BCL2L13: variants seen among roughly 807,000 people sequenced by gnomAD.
BCL2L13 encodes BCL2 like 13, also known as bcl-2-like protein 13.
In BCL2L13, 13 loss-of-function variants were observed where a neutral mutation model predicts 25.8. The observed-to-expected ratio is 0.50, with a 90% confidence interval of 0.33 to 0.80. The LOEUF (loss-of-function observed/expected upper bound fraction) is 0.80. Ranked by LOEUF, BCL2L13 falls within the 30% of genes least tolerant of loss-of-function variation. The probability of loss-of-function intolerance (pLI) is 0.02; values close to 1 mark genes in which losing one functional copy is unlikely to be tolerated. For synonymous variants in BCL2L13, 244 were observed against 230.3 expected (o/e 1.06, Z -0.54); for missense variants, 504 against 574.9 (o/e 0.88, Z 1.26).
At chr22:17,656,226 T>C (rs1311004933) in intron 2 of BCL2L13, among the ~76,000 whole-genome samples, 3 of 118,164 alleles carry the variant, frequency 2.5e-5, no homozygotes, top group Non-Finnish European at 5.2e-5. Flanking sequence ...GGCAATAGAG[T>C]GAGACTCCAT....
chr22:17,666,001 G>T (rs920776482), intron 2 of BCL2L13, among the ~76,000 whole-genome samples: 1 of 152,132 alleles, frequency 6.6e-6, no homozygotes, highest in East Asian at 1.9e-4. Flanking sequence ...CTGCTGGGTC[G>T]TATGGTGAAA....
chr22:17,729,878 G>C lies in BCL2L13; in HGVS notation c.*2344G>C, dbSNP rs1452039186. 1 of 152,166 alleles carries C rather than the reference G, an allele frequency of 6.6e-6. No homozygotes were observed. The highest frequency in any genetic ancestry group is 1.5e-5 in the Non-Finnish European group (1 of 68,018). The allele number at this position is 152,166 out of a possible 1,614,324, so 9.4% of individuals were successfully genotyped here. A position where few individuals can be genotyped will look rare whatever the true frequency, so the allele number is the denominator to read the frequency against. ...TTCTTCCTTCACGTCCTCACCCTCT[G>C]CCTCCAGCAGTGGAAGGGAACAGCC... On this transcript the variant is annotated 3_prime_UTR_variant, in exon 7 of 7. Transcript: ENST00000317582.
At position 17,713,992 on chromosome 22, in the gene BCL2L13, T is replaced by TA. The variant is rs1348570147; in HGVS notation, c.600+11613dup. Among the ~76,000 whole-genome samples the TA allele has an allele frequency of 1.1e-4, 16 of 151,136 alleles. No homozygotes were observed. In the East Asian group the frequency reaches 1.2e-3, roughly 11 times the overall value. On this transcript the variant is annotated intron_variant, in intron 6 of 6. Transcript: ENST00000317582. ...TACCCTATTTCTACCAAAAGTATTT[T>TA]AAAAAAATTAGCCAGGTGTGGCTGG...
At chr22:17,640,677 G>C (rs943007335) in intron 1 of BCL2L13, among the ~76,000 whole-genome samples, 1 of 150,418 alleles carries the variant, frequency 6.6e-6, no homozygotes, top group South Asian at 2.1e-4. Context: ...GGCAACATAA[G>C]GAGACCTTGT....
chr22:17,706,185 A>C (rs186797755), intron 6 of BCL2L13, among the ~76,000 whole-genome samples: 32 of 151,888 alleles, frequency 2.1e-4, no homozygotes, highest in Admixed American at 2.1e-3. Context: ...CACTTGGCTT[A>C]TTTTTTGCAG....
chr22:17,663,401 G>T (rs1467506864), intron 2 of BCL2L13, among the ~76,000 whole-genome samples: 1 of 152,056 alleles, frequency 6.6e-6, no homozygotes, highest in African/African-American at 2.4e-5. Flanking sequence ...CCTGACATAG[G>T]TGGCTATCTA....
chr22:17,666,022 T>A (rs1440206501), intron 2 of BCL2L13, among the ~76,000 whole-genome samples: 1 of 152,178 alleles, frequency 6.6e-6, no homozygotes, highest in African/African-American at 2.4e-5. Flanking sequence ...AGAATATATT[T>A]TGTTTTATAA....
chr22:17,719,153 C>CAA (rs59630355), intron 6 of BCL2L13, among the ~76,000 whole-genome samples: 13,919 of 44,650 alleles, frequency 0.31, 2,283 homozygotes, highest in Non-Finnish European at 0.4. Flanking sequence ...GGCTCTGTCT[C>CAA]AAAAAAAAAA....
chr22:17,695,980 G>A (rs1330720580), intron 4 of BCL2L13, 161 bp from the exon 5 acceptor site: 2 of 520,274 alleles, frequency 3.8e-6, no homozygotes. Flanking sequence ...TGAAAAAAGT[G>A]CATACTAGTG....
upstream of BCL2L13, among the ~76,000 whole-genome samples, chr22:17,635,626 G>A (rs2058091182): frequency 6.6e-6 from 1 of 152,006 alleles, no homozygotes; most frequent in African/African-American, 2.4e-5. Context: ...GGGAAGGCCA[G>A]GAACTTTAGG....
At chr22:17,652,295 C>T (rs2146479347) in intron 1 of BCL2L13, among the ~76,000 whole-genome samples, 1 of 152,246 alleles carries the variant, frequency 6.6e-6, no homozygotes, top group South Asian at 2.1e-4. Context: ...GCCTTGACCT[C>T]CCAAAGTGCT....
At chr22:17,657,597 C>T (rs1002465444) in intron 2 of BCL2L13, among the ~76,000 whole-genome samples, 8 of 152,020 alleles carry the variant, frequency 5.3e-5, no homozygotes, top group Non-Finnish European at 1.2e-4. Context: ...CTGCAACCTC[C>T]GCCTCCTGGG....
intron 4 of BCL2L13, among the ~76,000 whole-genome samples, chr22:17,692,042 TA>T (rs771085425): frequency 1.3e-5 from 2 of 152,220 alleles, no homozygotes; most frequent in Non-Finnish European, 2.9e-5. Flanking sequence ...GATGATAAAC[TA>T]CATAAACTAG....
At chr22:17,711,452 C>A (rs997614616) in intron 6 of BCL2L13, among the ~76,000 whole-genome samples, 1 of 151,790 alleles carries the variant, frequency 6.6e-6, no homozygotes, top group African/African-American at 2.4e-5. Context: ...CATGCACCAC[C>A]ACACTCAACT....
chr22:17,637,623 C>A (rs1463269967), upstream of BCL2L13, among the ~76,000 whole-genome samples: 1 of 151,836 alleles, frequency 6.6e-6, no homozygotes, highest in Non-Finnish European at 1.5e-5. Context: ...AGTGATCCGC[C>A]CACCTTGGCT....
intron 2 of BCL2L13, among the ~76,000 whole-genome samples, chr22:17,678,218 C>T (rs1440624029): frequency 1.3e-5 from 2 of 151,980 alleles, no homozygotes; most frequent in African/African-American, 4.8e-5. Flanking sequence ...GAAACAAGGT[C>T]TAGCTATGTT....
chr22:17,684,639 C>A (rs1295428661), intron 3 of BCL2L13: 2 of 453,482 alleles, frequency 4.4e-6, no homozygotes, highest in East Asian at 1.4e-4. Flanking sequence ...TCTCGGCCCA[C>A]CACAACCTCC....
intron 2 of BCL2L13, among the ~76,000 whole-genome samples, chr22:17,670,373 C>CTTTTT (rs370701152): frequency 7.2e-4 from 93 of 128,880 alleles, no homozygotes; most frequent in Admixed American, 2.1e-3. Context: ...CTCAAATCAG[C>CTTTTT]TTTTTTTTTT....
At chr22:17,671,789 C>G (rs1224257376) in intron 2 of BCL2L13, among the ~76,000 whole-genome samples, 1 of 152,122 alleles carries the variant, frequency 6.6e-6, no homozygotes, top group Non-Finnish European at 1.5e-5. Flanking sequence ...TCTCTGCTCA[C>G]TGCAACCTCT....
Sources: allele counts gnomAD v4.1 joint callset (sites outside exome capture counted in the v4.1 genomes callset), GRCh38; gene constraint gnomAD v4.1.1; transcripts MANE v1.5; gene names NCBI Gene and HGNC (gene_info 2026-07-23, HGNC 2026-07-21).